Variants in SPMIP7 observed in about 807,000 individuals in gnomAD.
SPMIP7 encodes the protein protein SPMIP7.
the SPMIP7 span, among the ~76,000 whole-genome samples, chr7:50,102,617 T>C: frequency 6.6e-6 from 1 of 152,132 alleles, no homozygotes; most frequent in Admixed American, 6.5e-5. Context: ...AGCATACACT[T>C]GTTCTCTATT....
At chr7:50,097,107 C>T in the SPMIP7 span, among the ~76,000 whole-genome samples, 2 of 152,162 alleles carry the variant, frequency 1.3e-5, no homozygotes, top group African/African-American at 4.8e-5. Flanking sequence ...ATGAAGCAAA[C>T]TCTGCATAAA....
At chr7:50,108,335 A>C in the SPMIP7 span, among the ~76,000 whole-genome samples, 1 of 152,164 alleles carries the variant, frequency 6.6e-6, no homozygotes, top group Non-Finnish European at 1.5e-5. Context: ...GATAAATTTG[A>C]GTATCTGGAA....
the SPMIP7 span, chr7:50,151,483 T>C: frequency 6.4e-7 from 1 of 1,551,710 alleles, no homozygotes. Flanking sequence ...CCGGCAAGGT[T>C]CATTTCACAG....
chr7:50,129,858 C>T, the SPMIP7 span: 2 of 967,442 alleles, frequency 2.1e-6, no homozygotes, highest in African/African-American at 1.6e-5. Flanking sequence ...ATGACACATC[C>T]TCTTTATGTC....
At chr7:50,096,071 C>A in the SPMIP7 span, 1 of 1,439,124 alleles carries the variant, frequency 6.9e-7, no homozygotes, top group South Asian at 1.6e-5. Flanking sequence ...ATCAAAAATT[C>A]TAAAGAAAAA....
At chr7:50,109,599 T>G in the SPMIP7 span, among the ~76,000 whole-genome samples, 2 of 152,164 alleles carry the variant, frequency 1.3e-5, no homozygotes, top group African/African-American at 4.8e-5. Context: ...GTTCTCGAAC[T>G]CCTGACCTCA....
the SPMIP7 span, among the ~76,000 whole-genome samples, chr7:50,116,515 T>G: frequency 6.6e-6 from 1 of 152,364 alleles, no homozygotes; most frequent in East Asian, 1.9e-4. Context: ...CAAAAACTAT[T>G]CACTGTTGAG....
chr7:50,141,156 T>C, the SPMIP7 span: 1 of 585,884 alleles, frequency 1.7e-6, no homozygotes, highest in East Asian at 2.8e-5. Flanking sequence ...CTTTACATTT[T>C]GCATTTTGAG....
At chr7:50,124,930 C>T in the SPMIP7 span, among the ~76,000 whole-genome samples, 1 of 151,736 alleles carries the variant, frequency 6.6e-6, no homozygotes, top group East Asian at 1.9e-4. Context: ...GAAACCCTGT[C>T]TCTACTAAAA....
the SPMIP7 span, among the ~76,000 whole-genome samples, chr7:50,152,433 G>T: frequency 3.9e-5 from 6 of 152,136 alleles, no homozygotes; most frequent in South Asian, 2.1e-4. Context: ...GGAGCACATG[G>T]TTACTCATTT....
At chr7:50,125,843 G>A in the SPMIP7 span, among the ~76,000 whole-genome samples, 1 of 152,000 alleles carries the variant, frequency 6.6e-6, no homozygotes, top group Non-Finnish European at 1.5e-5. Context: ...AATGAAAGAT[G>A]TTGGTCAAAG....
At chr7:50,101,982 G>T in the SPMIP7 span, among the ~76,000 whole-genome samples, 2 of 152,176 alleles carry the variant, frequency 1.3e-5, no homozygotes, top group Non-Finnish European at 2.9e-5. Flanking sequence ...TCAGAAGTCT[G>T]GGGAACGTCA....
chr7:50,106,599 C>G, the SPMIP7 span, among the ~76,000 whole-genome samples: 2 of 152,092 alleles, frequency 1.3e-5, no homozygotes, highest in Admixed American at 6.6e-5. Flanking sequence ...TCATTAAACA[C>G]TTTTAAAGTG....
At chr7:50,146,740 C>T in the SPMIP7 span, among the ~76,000 whole-genome samples, 1 of 152,226 alleles carries the variant, frequency 6.6e-6, no homozygotes, top group East Asian at 1.9e-4. Context: ...TCTGGGCTGA[C>T]CCTCCTTAAA....
At chr7:50,125,115 TACAC>T in the SPMIP7 span, among the ~76,000 whole-genome samples, 49 of 25,418 alleles carry the variant, frequency 1.9e-3, 5 homozygotes, top group South Asian at 5.7e-3. Flanking sequence ...TATATATATA[TACAC>T]ACACACACAC....
chr7:50,100,193 G>T, the SPMIP7 span, among the ~76,000 whole-genome samples: 2 of 152,152 alleles, frequency 1.3e-5, no homozygotes, highest in South Asian at 4.2e-4. Context: ...GGAAAAGTTG[G>T]GGTGCTAAAC....
At chr7:50,097,073 G>A in the SPMIP7 span, among the ~76,000 whole-genome samples, 695 of 152,238 alleles carry the variant, frequency 4.6e-3, 2 homozygotes, top group African/African-American at 0.016. Flanking sequence ...ACATTTTTTG[G>A]CTCCAATAAG....
At chr7:50,145,703 T>G in the SPMIP7 span, among the ~76,000 whole-genome samples, 1 of 140,264 alleles carries the variant, frequency 7.1e-6, no homozygotes, top group Non-Finnish European at 1.5e-5. Flanking sequence ...CTAACATATA[T>G]GCATCTCACA....
At chr7:50,109,135 A>AAAAG in the SPMIP7 span, among the ~76,000 whole-genome samples, 1 of 152,208 alleles carries the variant, frequency 6.6e-6, no homozygotes, top group African/African-American at 2.4e-5. Flanking sequence ...AGATTGATTT[A>AAAAG]TGATATATAA....
Sources: gnomAD v4.1 joint callset for allele counts (sites outside exome capture counted in the v4.1 genomes callset) on GRCh38, gnomAD v4.1.1 for gene constraint, MANE v1.5 for transcripts, NCBI Gene and HGNC (gene_info 2026-07-23, HGNC 2026-07-21) for gene names.